Variants in TMEM233 observed in about 807,000 individuals in gnomAD.
TMEM233 encodes the protein dispanin subfamily B member 2.
A neutral mutation model predicts 11.2 loss-of-function variants in TMEM233; 6 were observed. That is an observed-to-expected ratio of 0.54 (90% CI 0.29 to 1.06). TMEM233 has a LOEUF of 1.06. Among genes scored for constraint, TMEM233 ranks in the 50% least tolerant of loss-of-function variants. The probability of loss-of-function intolerance (pLI) is 0.08; values close to 1 mark genes in which losing one functional copy is unlikely to be tolerated. For missense variants in TMEM233, 127 were observed against 144.7 expected, an observed-to-expected ratio of 0.88 and a Z score of 0.63; for synonymous variants, 59 against 55.8, an observed-to-expected ratio of 1.06 and a Z score of -0.26.
At chr12:119,621,430 G>A (rs1261686847) in intron 1 of TMEM233, among the ~76,000 whole-genome samples, 3 of 152,130 alleles carry the variant, frequency 2.0e-5, no homozygotes, top group Non-Finnish European at 4.4e-5. Flanking sequence ...CGATCCTCCT[G>A]CCTCAGCCTC....
At chr12:119,615,173 TAAAAAAAAAAAAAAAAA>T (rs60318959) in intron 1 of TMEM233, among the ~76,000 whole-genome samples, 5 of 56,184 alleles carry the variant, frequency 8.9e-5, no homozygotes, top group South Asian at 1.2e-3. Flanking sequence ...CGCTTTCTGC[TAAAAAAAAAAAAAAAAA>T]AAAAAAAAAA....
rs79024449 is a variant in TMEM233, at chr12:119,635,021, A to T, written c.323+5149A>T. Among the ~76,000 whole-genome samples, 1,143 of 152,338 alleles carry T rather than the reference A, an allele frequency of 7.5e-3. 4 individuals carry two copies. The highest frequency in any genetic ancestry group is 0.012 in the Non-Finnish European group (820 of 68,032). On this transcript the variant is annotated intron_variant, in intron 2 of 2. Transcript: ENST00000426426. ...TGTTCTTGTCCAGACAGAATCATGAACTTGCAGTCTTTCAAAGTCAGAAAA... is the reference window on the plus strand; with the variant it reads ...TGTTCTTGTCCAGACAGAATCATGATCTTGCAGTCTTTCAAAGTCAGAAAA...
In TMEM233 at chr12:119,594,885, C is replaced by T. The variant is rs1954004217; in HGVS notation, c.186+851C>T. ...CCGTTTGCTGCGCACTGGCCCTAACCTCTCTTCTCTTGGTGTCCCCCAGAG... is the reference window on the plus strand; with the variant it reads ...CCGTTTGCTGCGCACTGGCCCTAACTTCTCTTCTCTTGGTGTCCCCCAGAG... On this transcript the variant is annotated intron_variant, in intron 1 of 2. Coordinates refer to ENST00000426426, the MANE Select transcript of TMEM233 (RefSeq NM_001136534.3). This position sits in a 1 kb window ranked among gnomAD's most constrained non-coding sequence, Gnocchi z 5.6. 6.6e-6 allele frequency among the ~76,000 whole-genome samples: 1 copy of T among 152,160 alleles called. No homozygotes were observed. The highest frequency in any genetic ancestry group is 1.5e-5 in the Non-Finnish European group (1 of 68,028).
chr12:119,651,847 A>T, the TMEM233 span, among the ~76,000 whole-genome samples: 1 of 150,106 alleles, frequency 6.7e-6, no homozygotes, highest in Non-Finnish European at 1.5e-5. Flanking sequence ...AAAAAAAAAA[A>T]AAGAATTGCT....
the TMEM233 span, among the ~76,000 whole-genome samples, chr12:119,650,965 C>T: frequency 6.6e-6 from 1 of 152,176 alleles, no homozygotes; most frequent in South Asian, 2.1e-4. Context: ...ATTTAAGAAG[C>T]TCTGAGGTCT....
In TMEM233 at chr12:119,594,205, C is replaced by A; in HGVS notation, c.186+171C>A. 1 of 651,622 alleles carries A rather than the reference C, an allele frequency of 1.5e-6. No individual in the cohort carries two copies. Among genetic ancestry groups the A allele is most frequent in the Non-Finnish European group, 2.6e-6 (1 of 381,684 alleles). The allele number at this position is 651,622 out of a possible 1,614,324, so 40.4% of individuals were successfully genotyped here. On this transcript the variant is annotated intron_variant, in intron 1 of 2. Transcript: ENST00000426426. The surrounding 1 kb of genome is among the most constrained non-coding windows in gnomAD (Gnocchi z 5.6). ...ACCTTTCTCGGGCTCTCAGAGCTCT[C>A]CCCGCAATCATCAGCACCTCCTCTG...
intron 1 of TMEM233, among the ~76,000 whole-genome samples, chr12:119,598,812 TG>T (rs1330526634): frequency 6.6e-6 from 1 of 152,206 alleles, no homozygotes; most frequent in African/African-American, 2.4e-5. Flanking sequence ...ACCTTGTAAA[TG>T]GGGGTTGTGA....
In TMEM233 at chr12:119,595,628, C is replaced by T. The variant is rs1411675902; in HGVS notation, c.186+1594C>T. Among the ~76,000 whole-genome samples, 6 of 152,198 alleles carry T rather than the reference C, an allele frequency of 3.9e-5. No individual in the cohort carries two copies. Among genetic ancestry groups the T allele is most frequent in the Non-Finnish European group, 7.3e-5 (5 of 68,042 alleles). ...AACCAGAATAATCATAGCCATGTTT[C>T]TTGGGGTTGTTGGGAGCATTCATGA... On this transcript the variant is annotated intron_variant, in intron 1 of 2. Transcript: ENST00000426426. This position sits in a 1 kb window ranked among gnomAD's most constrained non-coding sequence, Gnocchi z 4.3.
intron 1 of TMEM233, among the ~76,000 whole-genome samples, chr12:119,612,701 A>G (rs892337871): frequency 5.3e-5 from 8 of 150,396 alleles, no homozygotes; most frequent in African/African-American, 2.0e-4. Flanking sequence ...CAGTGAGCCA[A>G]GATCACGCCA....
chr12:119,629,492 G>A (rs370083392), intron 1 of TMEM233, among the ~76,000 whole-genome samples: 2 of 152,178 alleles, frequency 1.3e-5, no homozygotes, highest in Admixed American at 1.3e-4. Context: ...ACAAAATCTT[G>A]TTACGTAAAT....
chr12:119,597,297 GC>G (rs1954067562), intron 1 of TMEM233, among the ~76,000 whole-genome samples: 1 of 152,196 alleles, frequency 6.6e-6, no homozygotes, highest in Non-Finnish European at 1.5e-5. Flanking sequence ...GGTGGAAAAA[GC>G]CGAAGTACTA....
chr12:119,618,821 C>G (rs1954588391), intron 1 of TMEM233, among the ~76,000 whole-genome samples: 1 of 152,082 alleles, frequency 6.6e-6, no homozygotes. Flanking sequence ...AGAACTTGGA[C>G]TTGGACTTTT....
chr12:119,629,895 T>A (rs983282733), intron 2 of TMEM233, 23 bp downstream of exon 2: 11 of 1,544,982 alleles, frequency 7.1e-6, no homozygotes, highest in Non-Finnish European at 9.6e-6. Context: ...TTTGAATCCC[T>A]CCCCATGTCA....
intron 1 of TMEM233, among the ~76,000 whole-genome samples, chr12:119,627,886 C>G (rs1040137195): frequency 6.6e-6 from 1 of 152,234 alleles, no homozygotes; most frequent in African/African-American, 2.4e-5. Flanking sequence ...AGCTACCACC[C>G]CTTTCCAGGG....
At chr12:119,646,071 T>TA (rs1440373152), downstream of TMEM233, among the ~76,000 whole-genome samples, 1 of 63,900 alleles carries the variant, frequency 1.6e-5, no homozygotes, top group African/African-American at 5.0e-5. Context: ...CTTTTTTTTT[T>TA]TTTTGAGATG....
chr12:119,637,992 G>A (rs1191002251), intron 2 of TMEM233, among the ~76,000 whole-genome samples: 1 of 152,152 alleles, frequency 6.6e-6, no homozygotes, highest in Non-Finnish European at 1.5e-5. Flanking sequence ...AGAGAAAATT[G>A]GGACAGTCTT....
At chr12:119,638,686 G>A (rs140386338) in intron 2 of TMEM233, among the ~76,000 whole-genome samples, 214 of 152,224 alleles carry the variant, frequency 1.4e-3, no homozygotes, top group African/African-American at 4.8e-3. Flanking sequence ...TCCATCAGTA[G>A]GCAGGTTAAA....
At chr12:119,643,240 T>C (rs1250562115), downstream of TMEM233, among the ~76,000 whole-genome samples, 2 of 151,920 alleles carry the variant, frequency 1.3e-5, no homozygotes, top group Non-Finnish European at 2.9e-5. Flanking sequence ...GCCAGAAATG[T>C]CCCTCTATGA....
chr12:119,625,922 G>A (rs189238275), intron 1 of TMEM233, among the ~76,000 whole-genome samples: 4 of 152,088 alleles, frequency 2.6e-5, no homozygotes, highest in African/African-American at 7.2e-5. Context: ...CAATTATCCC[G>A]AAGATATCTG....
Sources: allele counts gnomAD v4.1 joint callset (sites outside exome capture counted in the v4.1 genomes callset), GRCh38; gene constraint gnomAD v4.1.1; non-coding constraint Gnocchi (gnomAD v3.1); transcripts MANE v1.5; gene names NCBI Gene and HGNC (gene_info 2026-07-23, HGNC 2026-07-21).